Variants in ARMC6 observed in about 807,000 individuals in gnomAD.
ARMC6 encodes armadillo repeat containing 6.
In ARMC6, 43 loss-of-function variants were observed where a neutral mutation model predicts 49.2. The observed-to-expected ratio is 0.87, with a 90% CI of 0.69 to 1.13. The LOEUF is 1.13. Among genes scored for constraint, ARMC6 ranks in the 50% most tolerant of loss-of-function variants. The pLI is 0.00. For synonymous variants in ARMC6, 262 were observed against 289.6 expected, an observed-to-expected ratio of 0.90 and a Z score of 0.97; for missense variants, 627 against 682.0, an observed-to-expected ratio of 0.92 and a Z score of 0.90.
chr19:19,057,905 AG>A lies in ARMC6; in HGVS notation c.*282del. 1.8e-6 allele frequency: 1 copy of A among 557,840 alleles called. No individual in the cohort carries two copies. The highest frequency in any genetic ancestry group is 3.3e-6 in the Non-Finnish European group (1 of 305,910). The allele number at this position is 557,840 out of a possible 1,614,324, so 34.6% of individuals were successfully genotyped here. A position where few individuals can be genotyped will look rare whatever the true frequency, so the allele number is the denominator to read the frequency against. On this transcript the variant is annotated 3_prime_UTR_variant, in exon 9 of 9. Coordinates refer to ENST00000535612, the MANE Select transcript of ARMC6 (RefSeq NM_001199196.2). ...TTCCCCCAGCCCCACGCCCTACCAG[AG>A]GGGGCAAAGGGCACGTCCCATCACT...
chr19:19,035,751 G>A (rs939547834), intron 2 of ARMC6, among the ~76,000 whole-genome samples: 13 of 128,734 alleles, frequency 1.0e-4, no homozygotes, highest in Admixed American at 3.3e-4. Flanking sequence ...CGAAGTATTT[G>A]AGACAGGTGT....
Position 19,057,971 on chromosome 19 carries a change from G to C in ARMC6, c.*343G>C. 1 of 399,628 alleles carries C rather than the reference G, an allele frequency of 2.5e-6. No homozygotes were observed. The highest frequency in any genetic ancestry group is 4.8e-6 in the Non-Finnish European group (1 of 209,824). The allele number at this position is 399,628 out of a possible 1,614,324, so 24.8% of individuals were successfully genotyped here. ...AAATGTGGCAGCCACTGTGGGCCAG[G>C]CTCAGGGCAGGGCAGGCGATTCCAG... On this transcript the variant is annotated 3_prime_UTR_variant, in exon 9 of 9. Transcript: ENST00000535612.
At chr19:19,034,028 G>A in intron 1 of ARMC6, 98 bp downstream of exon 1, 1 of 542,398 alleles carries the variant, frequency 1.8e-6, no homozygotes, top group Non-Finnish European at 3.2e-6. Context: ...GTGGTTTGGG[G>A]GGAAAAAAAA....
At chr19:19,046,955 C>CT (rs1405584876) in intron 4 of ARMC6, among the ~76,000 whole-genome samples, 5,117 of 70,274 alleles carry the variant, frequency 0.073, 330 homozygotes, top group African/African-American at 0.18. Context: ...TTTTCTATTT[C>CT]TTTTTTTTTT....
At chr19:19,051,251 T>G (rs1012741240) in intron 4 of ARMC6, among the ~76,000 whole-genome samples, 10 of 152,204 alleles carry the variant, frequency 6.6e-5, no homozygotes, top group Non-Finnish European at 1.5e-4. Context: ...ACTGGATGGT[T>G]CTTCTGCTGG....
In ARMC6 at chr19:19,034,032, A is replaced by G. The variant is rs893293935; in HGVS notation, c.-79-99A>G. 116 of 442,740 alleles carry G rather than the reference A, an allele frequency of 2.6e-4. 1 individual carries two copies. The highest frequency in any genetic ancestry group is 2.1e-4 in the African/African-American group (5 of 23,354). The allele number at this position is 442,740 out of a possible 1,614,324, so 27.4% of individuals were successfully genotyped here. The stretch of plus-strand genomic sequence containing the variant: ...CCCTCGGGTACGTGGTTTGGGGGGA[A>G]AAAAAAAATGAAAGAATTTTACAGA... On this transcript the variant is annotated intron_variant, in intron 1 of 8. Coordinates refer to ENST00000535612, the MANE Select transcript of ARMC6 (RefSeq NM_001199196.2).
intron 3 of ARMC6, 35 bp downstream of exon 3, chr19:19,042,912 C>T (rs1335007395): frequency 1.9e-6 from 3 of 1,609,778 alleles, no homozygotes; most frequent in Non-Finnish European, 2.5e-6. Context: ...CCATCCTTGG[C>T]TCTTAGATGC....
intron 2 of ARMC6, among the ~76,000 whole-genome samples, chr19:19,041,254 G>A (rs2059409574): frequency 6.6e-6 from 1 of 152,130 alleles, no homozygotes; most frequent in Admixed American, 6.5e-5. Context: ...TTAGATCTTT[G>A]TTTACCTAAG....
At chr19:19,042,973 C>A in intron 3 of ARMC6, 96 bp downstream of exon 3, 1 of 1,476,192 alleles carries the variant, frequency 6.8e-7, no homozygotes, top group Non-Finnish European at 9.1e-7. Context: ...GTGCCACATG[C>A]CTGGCATAGA....
rs751411548 is a variant in ARMC6 at position 19,037,662 on chromosome 19, C to G, written c.29+3424C>G. ...CACCATGCCTGGCCTGAAGTGGAAA[C>G]TTGATAATTCCAGAACGGAAACTTG... On this transcript the variant is annotated intron_variant, in intron 2 of 8. Coordinates refer to ENST00000535612, the MANE Select transcript of ARMC6 (RefSeq NM_001199196.2). 4 of 1,169,908 alleles carry G rather than the reference C, an allele frequency of 3.4e-6. 1 individual carries two copies. The South Asian group carries it at 6.2e-5, about 18-fold the overall frequency. 72.5% of individuals were successfully genotyped at this position (1,169,908 alleles called of 1,614,324 possible).
At chr19:19,037,682 A>G (rs1331541364) in intron 2 of ARMC6, 30 of 1,153,918 alleles carry the variant, frequency 2.6e-5, no homozygotes, top group Non-Finnish European at 3.1e-5. Context: ...CCAGAACGGA[A>G]ACTTGATATT....
In ARMC6 at chr19:19,051,712, G is replaced by A. The variant is rs565358474; in HGVS notation, c.370G>A (p.Asp124Asn). The change falls in exon 5 of 9, where the codon GAC becomes AAC. Residue 124 changes from aspartate (D) to asparagine (N), a missense_variant. Asp to Asn is a conservative substitution (Grantham distance 23, BLOSUM62 1). Coordinates refer to ENST00000535612, the MANE Select transcript of ARMC6 (RefSeq NM_001199196.2). ...LTRFCDQCKQ[D>N]KACRFLAAQK... ...CCGCTTCTGCGACCAGTGCAAACAG[G>A]ACAAGGCCTGCCGCTTCCTCGCGGC... 6.2e-7 allele frequency: 1 copy of A among 1,613,974 alleles called. No individual in the cohort carries two copies. Among genetic ancestry groups the A allele is most frequent in the South Asian group, 1.1e-5 (1 of 91,086 alleles).
intron 4 of ARMC6, among the ~76,000 whole-genome samples, chr19:19,051,044 G>A (rs984656244): frequency 7.2e-5 from 11 of 152,216 alleles, no homozygotes; most frequent in African/African-American, 2.7e-4. Context: ...ACATTTGGCA[G>A]GTGCTCAATA....
At chr19:19,043,956 T>C in intron 3 of ARMC6, 36 bp from the exon 4 acceptor site, 2 of 1,591,788 alleles carry the variant, frequency 1.3e-6, no homozygotes, top group Non-Finnish European at 1.7e-6. Flanking sequence ...ACTTTCTTTC[T>C]GACCCCTGTG....
At chr19:19,056,390 T>G (rs541759924) in intron 8 of ARMC6, among the ~76,000 whole-genome samples, 63 of 151,446 alleles carry the variant, frequency 4.2e-4, no homozygotes, top group Admixed American at 1.9e-3. Flanking sequence ...GTCTCCCGAG[T>G]AGCTGGGATC....
At chr19:19,043,347 G>A (rs997230044) in intron 3 of ARMC6, among the ~76,000 whole-genome samples, 1 of 152,224 alleles carries the variant, frequency 6.6e-6, no homozygotes, top group Admixed American at 6.5e-5. Flanking sequence ...GACCCTGACT[G>A]CAGGGAGCAG....
chr19:19,051,573 G>A (rs765423133), intron 4 of ARMC6, 49 bp from the exon 5 acceptor site: 1 of 1,500,858 alleles, frequency 6.7e-7, no homozygotes, highest in African/African-American at 1.4e-5. Flanking sequence ...CTGTGGCCAT[G>A]GGTTCCTCTT....
chr19:19,035,405 G>A (rs545081541), intron 2 of ARMC6, among the ~76,000 whole-genome samples: 1 of 152,352 alleles, frequency 6.6e-6, no homozygotes, highest in African/African-American at 2.4e-5. Context: ...AGCATGCCCT[G>A]ATGGATAATA....
intron 6 of ARMC6, among the ~76,000 whole-genome samples, chr19:19,054,565 G>C (rs535496304): frequency 6.6e-6 from 1 of 152,264 alleles, no homozygotes; most frequent in South Asian, 2.1e-4. Flanking sequence ...TGTCGGCCAA[G>C]GCTGGGATAC....
Sources: gnomAD v4.1 joint callset for allele counts (sites outside exome capture counted in the v4.1 genomes callset) on GRCh38, gnomAD v4.1.1 for gene constraint, MANE v1.5 for transcripts, NCBI Gene and HGNC (gene_info 2026-07-23, HGNC 2026-07-21) for gene names.